Variants in LHFPL2 observed in about 807,000 individuals in gnomAD.
The protein encoded by LHFPL2 is LHFPL tetraspan subfamily member 2, also known as LHFPL tetraspan subfamily member 2 protein.
LHFPL2 carries 7 observed loss-of-function variants against 17.5 expected under a neutral mutation model. The ratio of observed to expected loss-of-function variants is 0.40; its 90% CI spans 0.23 to 0.75. The LOEUF is 0.75. Ranked by LOEUF, LHFPL2 falls within the 30% of genes least tolerant of loss-of-function variation. LHFPL2 has a pLI of 0.37. For missense variants in LHFPL2, 241 were observed against 294.8 expected (o/e 0.82, Z 1.34); for synonymous variants, 134 against 116.2 (o/e 1.15, Z -0.99).
intron 2 of LHFPL2, among the ~76,000 whole-genome samples, chr5:78,630,979 T>G (rs1172615695): frequency 3.3e-5 from 5 of 152,154 alleles, no homozygotes; most frequent in African/African-American, 1.2e-4. Flanking sequence ...CCTGAGGGTT[T>G]CTACTCCCAA....
intron 2 of LHFPL2, among the ~76,000 whole-genome samples, chr5:78,595,976 T>C (rs957536829): frequency 6.6e-6 from 1 of 152,304 alleles, no homozygotes; most frequent in African/African-American, 2.4e-5. Flanking sequence ...TGGTATTAAG[T>C]AGCATTACAA....
At chr5:78,543,295 C>A (rs1756168743) in intron 3 of LHFPL2, among the ~76,000 whole-genome samples, 1 of 152,188 alleles carries the variant, frequency 6.6e-6, no homozygotes, top group Non-Finnish European at 1.5e-5. Context: ...CAGCCATTCT[C>A]TTTCTTCTGC....
intron 1 of LHFPL2, among the ~76,000 whole-genome samples, chr5:78,636,140 G>A (rs1425424779): frequency 6.6e-6 from 1 of 152,140 alleles, no homozygotes; most frequent in Non-Finnish European, 1.5e-5. Flanking sequence ...CTGTGGCCCT[G>A]CCTCCTGCTC....
At chr5:78,611,691 CAGG>C (rs1010554711) in intron 2 of LHFPL2, among the ~76,000 whole-genome samples, 20 of 152,204 alleles carry the variant, frequency 1.3e-4, no homozygotes, top group African/African-American at 4.3e-4. Context: ...CTACCTGTGA[CAGG>C]AGAAGACTGA....
At position 78,523,038 on chromosome 5, in the gene LHFPL2, C is replaced by T. The variant is rs1755504187; in HGVS notation, c.-185-12640G>A. 2.6e-5 allele frequency among the ~76,000 whole-genome samples: 4 copies of T among 152,060 alleles called. No individual in the cohort carries two copies. The South Asian group carries it at 8.3e-4, about 32-fold the overall frequency. On this transcript the variant is annotated intron_variant, in intron 3 of 4. Transcript: ENST00000380345. ...AGTCAAGAAGGGTGGACCATGCTGA[C>T]ACTGCTTATGTTCTCAGCAAGACAG...
chr5:78,630,231 C>G (rs1036598162), intron 2 of LHFPL2, among the ~76,000 whole-genome samples: 1 of 152,150 alleles, frequency 6.6e-6, no homozygotes, highest in South Asian at 2.1e-4. Flanking sequence ...CCTAGAAGCT[C>G]GGTAAACTGC....
At chr5:78,584,991 C>CCGGTTTTTTTTTTT (rs1743318598) in intron 2 of LHFPL2, among the ~76,000 whole-genome samples, 1 of 95,862 alleles carries the variant, frequency 1.0e-5, no homozygotes, top group African/African-American at 4.2e-5. Context: ...TCCTGGTGCG[C>CCGGTTTTTTTTTTT]TGTGTTTTTT....
intron 3 of LHFPL2, among the ~76,000 whole-genome samples, chr5:78,538,727 G>C (rs1242296618): frequency 6.6e-6 from 1 of 152,166 alleles, no homozygotes; most frequent in African/African-American, 2.4e-5. Flanking sequence ...ACCTGCACGG[G>C]CACAGTTTCA....
At chr5:78,513,234 A>G (rs1177338675) in intron 3 of LHFPL2, among the ~76,000 whole-genome samples, 1 of 152,214 alleles carries the variant, frequency 6.6e-6, no homozygotes, top group Non-Finnish European at 1.5e-5. Flanking sequence ...AAAGGCTGTA[A>G]AAGTTCAGGA....
chr5:78,491,260 AGG>A (rs1258544780), intron 4 of LHFPL2: 4 of 152,242 alleles, frequency 2.6e-5, no homozygotes, highest in Non-Finnish European at 5.9e-5. Flanking sequence ...TTGTTTGAAG[AGG>A]GGTGATTCAC....
intron 2 of LHFPL2, among the ~76,000 whole-genome samples, chr5:78,612,470 T>C (rs1190859782): frequency 6.6e-6 from 1 of 152,204 alleles, no homozygotes; most frequent in African/African-American, 2.4e-5. Context: ...ACAAATATCA[T>C]CCTCAAAATA....
intron 2 of LHFPL2, among the ~76,000 whole-genome samples, chr5:78,624,245 C>T (rs1312077390): frequency 1.3e-5 from 2 of 152,264 alleles, no homozygotes; most frequent in East Asian, 1.9e-4. Context: ...CTTGACCCAC[C>T]GGGAGATGGG....
At chr5:78,535,514 C>T (rs910998013) in intron 3 of LHFPL2, among the ~76,000 whole-genome samples, 1 of 152,186 alleles carries the variant, frequency 6.6e-6, no homozygotes, top group Non-Finnish European at 1.5e-5. Context: ...CAGAGCCACA[C>T]AAAGCCAGAG....
intron 2 of LHFPL2, among the ~76,000 whole-genome samples, chr5:78,578,372 C>T (rs1048209597): frequency 1.3e-5 from 2 of 151,946 alleles, no homozygotes; most frequent in Admixed American, 6.6e-5. Flanking sequence ...CCACTTTTTG[C>T]CAGTTAAAGG....
intron 3 of LHFPL2, among the ~76,000 whole-genome samples, chr5:78,521,347 T>A (rs1391168109): frequency 6.6e-6 from 1 of 152,362 alleles, no homozygotes; most frequent in East Asian, 1.9e-4. Flanking sequence ...TTCTGATGAG[T>A]ATTTTTATTA....
intron 3 of LHFPL2, among the ~76,000 whole-genome samples, chr5:78,532,705 T>C (rs1192087918): frequency 6.6e-6 from 1 of 151,996 alleles, no homozygotes; most frequent in East Asian, 1.9e-4. Context: ...GTCATTTAAA[T>C]GGGGCTGTTC....
At chr5:78,632,757 C>G (rs1227405659) in intron 1 of LHFPL2, among the ~76,000 whole-genome samples, 1 of 152,142 alleles carries the variant, frequency 6.6e-6, no homozygotes, top group African/African-American at 2.4e-5. Flanking sequence ...GTCGCATTCA[C>G]GACTTTGATG....
chr5:78,560,872 A>C (rs1172759769), intron 3 of LHFPL2, among the ~76,000 whole-genome samples: 1 of 152,214 alleles, frequency 6.6e-6, no homozygotes, highest in African/African-American at 2.4e-5. Flanking sequence ...GAAACTATCC[A>C]ATTTTATGGT....
At position 78,510,215 on chromosome 5, in the gene LHFPL2, T is replaced by C. The variant is rs761993604; in HGVS notation, c.-2A>G. 3.2e-6 allele frequency: 5 copies of C among 1,578,068 alleles called. No individual in the cohort carries two copies. Among genetic ancestry groups the C allele is most frequent in the Non-Finnish European group, 4.3e-6 (5 of 1,158,934 alleles). ...ACAGGTGACAATGACATGACACATA[T>C]TGATGTTCCGGGCGAAGAAAGAGTC... On this transcript the variant is annotated 5_prime_UTR_variant, in exon 4 of 5. Transcript: ENST00000380345.
Sources: gnomAD v4.1 joint callset for allele counts (sites outside exome capture counted in the v4.1 genomes callset) on GRCh38, gnomAD v4.1.1 for gene constraint, MANE v1.5 for transcripts, NCBI Gene and HGNC (gene_info 2026-07-23, HGNC 2026-07-21) for gene names.